The following RANBP17 variants were observed in gnomAD, a reference collection of about 807,000 sequenced individuals.
The protein encoded by RANBP17 is RAN binding protein 17.
In RANBP17, 158 loss-of-function variants were observed where a neutral mutation model predicts 141.2. That is an observed-to-expected ratio of 1.12 (90% CI 0.98 to 1.28). RANBP17 has a LOEUF of 1.28. Ranked by LOEUF, RANBP17 falls within the 50% of genes most tolerant of loss-of-function variation. The pLI is 0.00. For missense variants in RANBP17, 1,438 were observed against 1,290.7 expected (o/e 1.11, Z -1.75); for synonymous variants, 430 against 450.0 (o/e 0.96, Z 0.56).
chr5:170,976,847 A>G (rs764728158), intron 14 of RANBP17, among the ~76,000 whole-genome samples: 1 of 152,110 alleles, frequency 6.6e-6, no homozygotes, highest in Non-Finnish European at 1.5e-5. Flanking sequence ...CTCACACCAT[A>G]TGCAAAAGTT....
chr5:170,869,435 A>G (rs1232560301), intron 1 of RANBP17, among the ~76,000 whole-genome samples: 4 of 151,378 alleles, frequency 2.6e-5, no homozygotes, highest in South Asian at 4.2e-4. Flanking sequence ...GATTACAGGC[A>G]TGTGCCACCG....
chr5:170,908,744 G>T (rs777939408), intron 5 of RANBP17, among the ~76,000 whole-genome samples: 1 of 151,490 alleles, frequency 6.6e-6, no homozygotes, highest in African/African-American at 2.4e-5. Context: ...TAATCATTTG[G>T]CCTTCTGTTA....
chr5:171,158,046 G>C (rs997968806), intron 14 of RANBP17, among the ~76,000 whole-genome samples: 7 of 152,184 alleles, frequency 4.6e-5, no homozygotes, highest in African/African-American at 1.7e-4. Flanking sequence ...CAGTATTTCT[G>C]AAAAGCCAGC....
intron 25 of RANBP17, among the ~76,000 whole-genome samples, chr5:171,274,606 A>G (rs1423947682): frequency 3.9e-5 from 6 of 152,216 alleles, no homozygotes; most frequent in African/African-American, 7.2e-5. Context: ...CATTGTAGCC[A>G]TAAGAATACA....
intron 12 of RANBP17, among the ~76,000 whole-genome samples, chr5:170,946,720 T>C (rs1774793926): frequency 6.6e-6 from 1 of 152,122 alleles, no homozygotes; most frequent in African/African-American, 2.4e-5. Flanking sequence ...AGCACTATTT[T>C]TCATGCTGGA....
At chr5:171,293,793 G>T (rs1243326410) in intron 25 of RANBP17, 90 bp from the exon 26 acceptor site, 8 of 908,552 alleles carry the variant, frequency 8.8e-6, no homozygotes, top group African/African-American at 1.6e-5. Context: ...TAGCAAGATG[G>T]AGGGGTGGAA....
In RANBP17 at chr5:171,066,628, C is replaced by T. The variant is rs184313618; in HGVS notation, c.1710+98251C>T. 3.3e-5 allele frequency among the ~76,000 whole-genome samples: 5 copies of T among 152,222 alleles called. No homozygotes were observed. In the East Asian group the frequency reaches 7.7e-4, roughly 24 times the overall value. On this transcript the variant is annotated intron_variant, in intron 14 of 27. Transcript: ENST00000523189. ...CTGTTCCAAATAATGCTGCAGTGAA[C>T]GTGGGAGTGGAGATATTTCTTCAAC...
chr5:170,973,470 A>C (rs1777133423), intron 14 of RANBP17, among the ~76,000 whole-genome samples: 1 of 152,212 alleles, frequency 6.6e-6, no homozygotes, highest in Non-Finnish European at 1.5e-5. Context: ...TAAAAGTAAA[A>C]ACTCCTGTGA....
chr5:171,226,054 A>G (rs181564945), intron 22 of RANBP17, among the ~76,000 whole-genome samples: 2 of 152,194 alleles, frequency 1.3e-5, no homozygotes, highest in African/African-American at 4.8e-5. Flanking sequence ...ATTTCTAATG[A>G]GTTTTAAATT....
rs896807708 is a variant in RANBP17 at position 170,951,470 on chromosome 5, T to G, written c.1469-2127T>G. The stretch of plus-strand genomic sequence containing the variant: ...TGGGTGGTCCTTGAAAACATTATGC[T>G]GACTTGAAAGGAGATAGTCACAACA... On this transcript the variant is annotated intron_variant, in intron 12 of 27. Transcript: ENST00000523189. Among the ~76,000 whole-genome samples the G allele has an allele frequency of 2.0e-4, 31 of 152,144 alleles. 1 individual carries two copies. The highest frequency in any genetic ancestry group is 6.5e-5 in the Admixed American group (1 of 15,274).
At chr5:171,297,000 C>T (rs1170111799) in intron 27 of RANBP17, among the ~76,000 whole-genome samples, 3 of 152,304 alleles carry the variant, frequency 2.0e-5, no homozygotes, top group Admixed American at 6.5e-5. Context: ...AGGCAGTTAA[C>T]TTCTCTACTC....
At chr5:171,221,606 T>C in intron 21 of RANBP17, 152 bp from the exon 22 acceptor site, 1 of 629,714 alleles carries the variant, frequency 1.6e-6, no homozygotes. Flanking sequence ...TTAGCATACG[T>C]ATTTTATCAA....
intron 14 of RANBP17, among the ~76,000 whole-genome samples, chr5:171,159,955 A>C (rs999700636): frequency 1.5e-4 from 22 of 151,520 alleles, no homozygotes; most frequent in Non-Finnish European, 2.2e-4. Context: ...AAAAGAAGAA[A>C]ATTTGGACAA....
Position 170,924,429 on chromosome 5 carries a change from C to G in RANBP17, c.1347C>G (p.Ser449Arg). Residue 449 changes from serine to arginine, a missense_variant, in exon 12 of 28, where the codon AGC becomes AGG. Physicochemically the swap from Ser to Arg is moderately radical, Grantham distance 110. Coordinates refer to ENST00000523189, the MANE Select transcript of RANBP17 (RefSeq NM_022897.5). ...AGTTGGAGCAGTTGTGCACGGTCAG[C>G]AGATGTGAATATGAAAAGACATGTG... Reference protein sequence around the residue: ...FQQLEQLCTVSRCEYEKTCAL... With the variant: ...FQQLEQLCTVRRCEYEKTCAL... The G allele has an allele frequency of 6.2e-7, 1 of 1,613,228 alleles. No homozygotes were observed. The highest frequency in any genetic ancestry group is 8.5e-7 in the Non-Finnish European group (1 of 1,179,342).
intron 14 of RANBP17, among the ~76,000 whole-genome samples, chr5:171,037,778 G>A (rs760681025): frequency 7.2e-5 from 11 of 152,052 alleles, no homozygotes; most frequent in Non-Finnish European, 1.5e-4. Flanking sequence ...ATTGGTCTAT[G>A]CATCTGTTTT....
chr5:170,910,593 C>A (rs761566228), intron 6 of RANBP17: 28 of 173,896 alleles, frequency 1.6e-4, no homozygotes, highest in Non-Finnish European at 3.3e-4. Flanking sequence ...TTATATTATT[C>A]TTCAAGCAGA....
intron 13 of RANBP17, among the ~76,000 whole-genome samples, chr5:170,956,800 A>G (rs1227555278): frequency 1.3e-5 from 2 of 149,030 alleles, no homozygotes; most frequent in South Asian, 2.3e-4. Flanking sequence ...GACTGGGCGC[A>G]GTGGCTCATG....
intron 22 of RANBP17, 128 bp from the exon 23 acceptor site, chr5:171,240,800 A>C (rs1161884371): frequency 1.7e-6 from 1 of 597,216 alleles, no homozygotes; most frequent in Non-Finnish European, 2.9e-6. Context: ...ATGAATAAAA[A>C]AAAATTCTTA....
chr5:170,927,825 T>C (rs1773049689), intron 12 of RANBP17, among the ~76,000 whole-genome samples: 1 of 152,100 alleles, frequency 6.6e-6, no homozygotes. Flanking sequence ...AATAATGATG[T>C]TATTAACATT....
Sources: allele counts gnomAD v4.1 joint callset (sites outside exome capture counted in the v4.1 genomes callset), GRCh38; gene constraint gnomAD v4.1.1; transcripts MANE v1.5; gene names NCBI Gene and HGNC (gene_info 2026-07-23, HGNC 2026-07-21).